PEAK1: variants seen among roughly 807,000 people sequenced by gnomAD.
The protein encoded by PEAK1 is pseudopodium enriched atypical kinase 1, also known as inactive tyrosine-protein kinase PEAK1.
Under a neutral mutation model 124.7 loss-of-function variants are expected in PEAK1, and 54 were observed. That is an observed-to-expected ratio of 0.43 (90% CI 0.35 to 0.54). The LOEUF (loss-of-function observed/expected upper bound fraction) is 0.54, where lower values mean the gene tolerates loss of function less well. Among genes scored for constraint, PEAK1 ranks in the 20% least tolerant of loss-of-function variants. The pLI is 0.01. For missense variants in PEAK1, 2,046 were observed against 2,134.5 expected (o/e 0.96, Z 0.82); for synonymous variants, 719 against 760.0 (o/e 0.95, Z 0.89).
exon 7 of PEAK1, chr15:77,103,080 T>C (rs2050710567): frequency 6.6e-6 from 1 of 152,200 alleles, no homozygotes; most frequent in South Asian, 2.1e-4. Flanking sequence ...TATATGTATG[T>C]TATGTAATGC....
At chr15:77,410,024 G>C (rs2072262008) in intron 1 of PEAK1, among the ~76,000 whole-genome samples, 1 of 151,856 alleles carries the variant, frequency 6.6e-6, no homozygotes, top group Non-Finnish European at 1.5e-5. Context: ...CTACTTGAAA[G>C]ACAGTAATCG....
chr15:77,225,678 A>ATG (rs1184522416), intron 6 of PEAK1, among the ~76,000 whole-genome samples: 2 of 138,032 alleles, frequency 1.4e-5, no homozygotes, highest in Non-Finnish European at 3.2e-5. Context: ...ATATATATAT[A>ATG]TATATATATA....
intron 2 of PEAK1, among the ~76,000 whole-genome samples, chr15:77,288,932 A>C (rs2063070748): frequency 1.3e-5 from 2 of 151,858 alleles, no homozygotes; most frequent in South Asian, 4.1e-4. Flanking sequence ...CGTCTCAAAA[A>C]AAAAAAAAAA....
At chr15:77,371,510 CCACCA>C in intron 1 of PEAK1, 6 of 60,978 alleles carry the variant, frequency 9.8e-5, no homozygotes, top group Non-Finnish European at 1.6e-4. Flanking sequence ...TACACACATA[CCACCA>C]CCACCACCAC....
At chr15:77,382,414 T>C (rs1265914497) in intron 1 of PEAK1, among the ~76,000 whole-genome samples, 1 of 152,244 alleles carries the variant, frequency 6.6e-6, no homozygotes, top group African/African-American at 2.4e-5. Flanking sequence ...GCTCATTCTT[T>C]CACCTTGTCT....
chr15:77,331,227 G>A lies in PEAK1; in HGVS notation c.-603+33936C>T, dbSNP rs146496531. The A allele has an allele frequency of 1.5e-3, 260 of 171,450 alleles. 7 individuals carry two copies. The East Asian group carries it at 0.043, about 28-fold the overall frequency. The allele number at this position is 171,450 out of a possible 1,614,324, so 10.6% of individuals were successfully genotyped here. On this transcript the variant is annotated intron_variant, in intron 2 of 9. Transcript: ENST00000682557. ...TCACTGCAACCTCCGCTTCCTGGGC[G>A]CAACTGATTCTCATGCCTTGGACTC...
intron 1 of PEAK1, among the ~76,000 whole-genome samples, chr15:77,407,769 G>A (rs1035004659): frequency 2.6e-5 from 4 of 152,038 alleles, no homozygotes; most frequent in Non-Finnish European, 5.9e-5. Context: ...TCTACCCAGA[G>A]GAAAAGAAGT....
intron 6 of PEAK1, among the ~76,000 whole-genome samples, chr15:77,219,085 A>T (rs1027728189): frequency 4.6e-5 from 7 of 152,202 alleles, no homozygotes; most frequent in African/African-American, 7.2e-5. Flanking sequence ...ACAGAAGGAT[A>T]ACATAATCAT....
intron 2 of PEAK1, among the ~76,000 whole-genome samples, chr15:77,364,920 G>C (rs1194191305): frequency 6.6e-6 from 1 of 152,092 alleles, no homozygotes; most frequent in East Asian, 1.9e-4. Flanking sequence ...TTTCGTCTTT[G>C]AGTATTAAAG....
intron 1 of PEAK1, among the ~76,000 whole-genome samples, chr15:77,389,182 G>A (rs369612816): frequency 5.9e-5 from 9 of 151,932 alleles, no homozygotes; most frequent in Non-Finnish European, 1.2e-4. Context: ...TCGAACTCCT[G>A]GGCTCAAAGT....
chr15:77,391,167 C>A (rs2070417402), intron 1 of PEAK1, among the ~76,000 whole-genome samples: 1 of 152,088 alleles, frequency 6.6e-6, no homozygotes, highest in South Asian at 2.1e-4. Context: ...GCAGCCCAGA[C>A]CCATGGTGCT....
At chr15:77,351,906 G>T in intron 2 of PEAK1, 1 of 985,398 alleles carries the variant, frequency 1.0e-6, no homozygotes, top group South Asian at 4.7e-5. Context: ...AGGTAATGAA[G>T]TCTGGTAGAC....
chr15:77,403,296 G>A, intron 1 of PEAK1: 1 of 975,776 alleles, frequency 1.0e-6, no homozygotes, highest in Non-Finnish European at 1.2e-6. Context: ...AAGAAAAGCA[G>A]AGACATTTAA....
intron 1 of PEAK1, among the ~76,000 whole-genome samples, chr15:77,413,830 G>T (rs1247639924): frequency 6.6e-6 from 1 of 152,128 alleles, no homozygotes; most frequent in Non-Finnish European, 1.5e-5. Flanking sequence ...CAGTTTTTCT[G>T]TTTGTTTCTT....
intron 2 of PEAK1, among the ~76,000 whole-genome samples, chr15:77,332,863 G>A (rs1476636868): frequency 6.6e-6 from 1 of 151,144 alleles, no homozygotes; most frequent in Non-Finnish European, 1.5e-5. Context: ...TTTTTTAATG[G>A]TACCTTATTG....
chr15:77,117,117 T>A (rs1257857251), intron 9 of PEAK1, among the ~76,000 whole-genome samples: 1 of 152,214 alleles, frequency 6.6e-6, no homozygotes, highest in Non-Finnish European at 1.5e-5. Context: ...CATTGCCAGT[T>A]AAATTTGCTC....
intron 7 of PEAK1, among the ~76,000 whole-genome samples, chr15:77,163,810 CAT>C (rs71143394): frequency 0.072 from 10,980 of 152,252 alleles, 537 homozygotes; most frequent in Non-Finnish European, 0.1. Context: ...AGCAGGTACA[CAT>C]GTCTCTAGTT....
Position 77,248,525 on chromosome 15 carries a change from T to A in PEAK1, c.-115+3842A>T, listed in dbSNP as rs571317856. Among the ~76,000 whole-genome samples, 4 of 152,294 alleles carry A rather than the reference T, an allele frequency of 2.6e-5. No homozygotes were observed. The South Asian group carries it at 8.3e-4, about 32-fold the overall frequency. Reference sequence around the variant, plus strand: ...ACAGAGACCTCATGCATGGGACTAGTAAGAATCCTTATAAAGGAGACTCCA... The same window carrying A: ...ACAGAGACCTCATGCATGGGACTAGAAAGAATCCTTATAAAGGAGACTCCA... On this transcript the variant is annotated intron_variant, in intron 6 of 9. Transcript: ENST00000682557.
chr15:77,335,499 G>A, intron 2 of PEAK1: 2 of 985,118 alleles, frequency 2.0e-6, no homozygotes, highest in Non-Finnish European at 2.4e-6. Context: ...TTTGTTTCAA[G>A]AGACAGGGTC....
Sources: allele counts gnomAD v4.1 joint callset (sites outside exome capture counted in the v4.1 genomes callset), GRCh38; gene constraint gnomAD v4.1.1; transcripts MANE v1.5; gene names NCBI Gene and HGNC (gene_info 2026-07-23, HGNC 2026-07-21).